The following CNTNAP2 variants were observed in gnomAD, a reference collection of about 807,000 sequenced individuals.
CNTNAP2 encodes the protein contactin associated protein 2.
In CNTNAP2, 98 loss-of-function variants were observed where a neutral mutation model predicts 155.2. The ratio of observed to expected loss-of-function variants is 0.63; its 90% CI spans 0.54 to 0.75. The LOEUF (loss-of-function observed/expected upper bound fraction) is 0.75, where lower values mean the gene tolerates loss of function less well. Ranked by LOEUF, CNTNAP2 falls within the 30% of genes least tolerant of loss-of-function variation. The pLI is 0.00. For synonymous variants in CNTNAP2, 651 were observed against 631.2 expected (o/e 1.03, Z -0.47); for missense variants, 1,727 against 1,688.1 (o/e 1.02, Z -0.40).
At chr7:146,775,117 A>G (rs925869348) in intron 2 of CNTNAP2, among the ~76,000 whole-genome samples, 2 of 152,206 alleles carry the variant, frequency 1.3e-5, no homozygotes, top group African/African-American at 2.4e-5. Context: ...ATGATGTTTA[A>G]TTCAGTAAAA....
chr7:147,876,916 A>T (rs187347639), intron 13 of CNTNAP2, among the ~76,000 whole-genome samples: 2 of 151,970 alleles, frequency 1.3e-5, no homozygotes, highest in Admixed American at 1.3e-4. Flanking sequence ...GGAGAGGAGG[A>T]TATTATAGGA....
intron 3 of CNTNAP2, among the ~76,000 whole-genome samples, chr7:146,881,614 A>G (rs1174551396): frequency 1.3e-5 from 2 of 152,036 alleles, no homozygotes; most frequent in Non-Finnish European, 2.9e-5. Context: ...AAAACATGAA[A>G]AATTTATGAT....
intron 1 of CNTNAP2, among the ~76,000 whole-genome samples, chr7:146,415,464 G>A (rs1374554582): frequency 1.3e-5 from 2 of 152,046 alleles, no homozygotes; most frequent in Non-Finnish European, 2.9e-5. Flanking sequence ...TACAAAAATA[G>A]TACAGCTAGT....
chr7:147,611,232 C>T (rs1463365811), intron 12 of CNTNAP2, among the ~76,000 whole-genome samples: 1 of 152,094 alleles, frequency 6.6e-6, no homozygotes, highest in Non-Finnish European at 1.5e-5. Context: ...AGTTTGAATT[C>T]AAGATCAAAA....
At chr7:147,467,992 C>A (rs1467692234) in intron 10 of CNTNAP2, among the ~76,000 whole-genome samples, 2 of 152,022 alleles carry the variant, frequency 1.3e-5, no homozygotes, top group African/African-American at 2.4e-5. Flanking sequence ...GATCACAGCA[C>A]TGCACTCCAG....
chr7:147,674,082 C>T (rs979165711), intron 13 of CNTNAP2, among the ~76,000 whole-genome samples: 2 of 151,940 alleles, frequency 1.3e-5, no homozygotes, highest in African/African-American at 4.8e-5. Flanking sequence ...TGACGATTTA[C>T]TTTTTTTAAT....
chr7:148,385,373 G>C (rs900822397), intron 22 of CNTNAP2, among the ~76,000 whole-genome samples: 4 of 152,204 alleles, frequency 2.6e-5, no homozygotes, highest in Non-Finnish European at 5.9e-5. Context: ...AATGCTGAAA[G>C]AAGAAAAGTA....
chr7:146,130,724 G>A (rs1279257969), intron 1 of CNTNAP2, among the ~76,000 whole-genome samples: 1 of 152,158 alleles, frequency 6.6e-6, no homozygotes, highest in East Asian at 1.9e-4. Context: ...TTGATAAAGG[G>A]AAGAGGTGTA....
chr7:146,247,574 T>G (rs911788422), intron 1 of CNTNAP2, among the ~76,000 whole-genome samples: 1 of 152,114 alleles, frequency 6.6e-6, no homozygotes, highest in South Asian at 2.1e-4. Context: ...TGCACTGACA[T>G]GTAAAAGAGT....
At chr7:147,408,079 T>A (rs192570031) in intron 10 of CNTNAP2, among the ~76,000 whole-genome samples, 5 of 152,372 alleles carry the variant, frequency 3.3e-5, no homozygotes, top group Admixed American at 2.6e-4. Flanking sequence ...ATACCATGTG[T>A]CCAAGGACAG....
At chr7:146,519,097 G>A (rs1196680212) in intron 1 of CNTNAP2, among the ~76,000 whole-genome samples, 2 of 151,848 alleles carry the variant, frequency 1.3e-5, no homozygotes, top group African/African-American at 4.8e-5. Context: ...GTTCCTTCAG[G>A]AAAATGACTA....
intron 22 of CNTNAP2, among the ~76,000 whole-genome samples, chr7:148,403,530 G>C (rs182283434): frequency 6.6e-5 from 10 of 152,260 alleles, no homozygotes; most frequent in Non-Finnish European, 1.5e-4. Context: ...CCTACTCACT[G>C]TTTCCCAAAG....
chr7:147,890,208 A>G (rs1209016352), intron 13 of CNTNAP2, among the ~76,000 whole-genome samples: 4 of 152,238 alleles, frequency 2.6e-5, no homozygotes, highest in Admixed American at 6.5e-5. Flanking sequence ...AATCAAAATT[A>G]GTGCATATTA....
At chr7:148,386,234 G>A (rs1216943218) in intron 22 of CNTNAP2, among the ~76,000 whole-genome samples, 1 of 152,070 alleles carries the variant, frequency 6.6e-6, no homozygotes, top group African/African-American at 2.4e-5. Flanking sequence ...CAATTACAAG[G>A]ACAGAAAACA....
intron 4 of CNTNAP2, among the ~76,000 whole-genome samples, chr7:147,053,927 TC>T (rs1799514675): frequency 6.6e-6 from 1 of 152,106 alleles, no homozygotes; most frequent in Admixed American, 6.6e-5. Context: ...GCTGAAAAGT[TC>T]CCAAGAGACC....
At chr7:146,378,651 G>A (rs1315042565) in intron 1 of CNTNAP2, among the ~76,000 whole-genome samples, 3 of 152,072 alleles carry the variant, frequency 2.0e-5, no homozygotes, top group Non-Finnish European at 4.4e-5. Context: ...AAGGCAATCC[G>A]AGTCCATACC....
chr7:147,606,622 A>G (rs1801068712), intron 12 of CNTNAP2, among the ~76,000 whole-genome samples: 1 of 152,218 alleles, frequency 6.6e-6, no homozygotes, highest in Non-Finnish European at 1.5e-5. Flanking sequence ...GGGAATAAGG[A>G]TTAAACAGTG....
intron 14 of CNTNAP2, among the ~76,000 whole-genome samples, chr7:147,909,780 T>G (rs1474530811): frequency 1.3e-5 from 2 of 152,208 alleles, no homozygotes; most frequent in African/African-American, 2.4e-5. Context: ...TTGCCATTCA[T>G]TGCGTGAGTA....
At chr7:146,670,710 C>G (rs929382126) in intron 1 of CNTNAP2, among the ~76,000 whole-genome samples, 1 of 152,082 alleles carries the variant, frequency 6.6e-6, no homozygotes, top group African/African-American at 2.4e-5. Flanking sequence ...CACAAGGAGA[C>G]CAGTACTGCC....
Sources: gnomAD v4.1 joint callset for allele counts (sites outside exome capture counted in the v4.1 genomes callset) on GRCh38, gnomAD v4.1.1 for gene constraint, MANE v1.5 for transcripts, NCBI Gene and HGNC (gene_info 2026-07-23, HGNC 2026-07-21) for gene names.